The following SHOC2 variants were observed in gnomAD, a reference collection of about 807,000 sequenced individuals.
The protein encoded by SHOC2 is leucine-rich repeat protein SHOC-2.
Under a neutral mutation model 50.2 loss-of-function variants are expected in SHOC2, and 4 were observed. The observed-to-expected ratio is 0.08, with a 90% confidence interval of 0.04 to 0.18. The LOEUF is 0.18. SHOC2 is among the 10% of genes least tolerant of loss of function. The pLI is 1.00. For synonymous variants in SHOC2, 218 were observed against 244.5 expected, an observed-to-expected ratio of 0.89 and a Z score of 1.01; for missense variants, 388 against 669.6, an observed-to-expected ratio of 0.58 and a Z score of 4.64.
At chr10:110,995,736 C>G (rs1172412207) in intron 3 of SHOC2, among the ~76,000 whole-genome samples, 2 of 152,136 alleles carry the variant, frequency 1.3e-5, no homozygotes, top group Non-Finnish European at 2.9e-5. Flanking sequence ...AAACTTAAAA[C>G]CACCATACTC....
At chr10:110,933,538 A>G (rs1172818813) in intron 1 of SHOC2, among the ~76,000 whole-genome samples, 1 of 152,246 alleles carries the variant, frequency 6.6e-6, no homozygotes, top group Non-Finnish European at 1.5e-5. Flanking sequence ...CCAGGCAGGT[A>G]ACATAAATGA....
chr10:110,931,814 T>G (rs1438493242), intron 1 of SHOC2, among the ~76,000 whole-genome samples: 9 of 152,174 alleles, frequency 5.9e-5, no homozygotes. Flanking sequence ...TTATTGTTCT[T>G]TCAATAAATA....
At chr10:110,925,455 G>T (rs534036164) in intron 1 of SHOC2, among the ~76,000 whole-genome samples, 8 of 151,506 alleles carry the variant, frequency 5.3e-5, no homozygotes, top group African/African-American at 1.7e-4. Context: ...TTTTTGTTTT[G>T]GTTTTGTTTT....
intron 3 of SHOC2, among the ~76,000 whole-genome samples, chr10:110,999,043 A>G (rs1261297923): frequency 6.6e-6 from 1 of 152,244 alleles, no homozygotes; most frequent in Non-Finnish European, 1.5e-5. Context: ...AAGGAGAGAA[A>G]TGGACATCAA....
chr10:110,970,992 T>C (rs1363018388), intron 2 of SHOC2, among the ~76,000 whole-genome samples: 1 of 152,118 alleles, frequency 6.6e-6, no homozygotes, highest in East Asian at 1.9e-4. Flanking sequence ...ATATTTTCTT[T>C]CATTCTGCAG....
chr10:110,973,038 A>G (rs940146498), intron 2 of SHOC2, among the ~76,000 whole-genome samples: 2 of 152,196 alleles, frequency 1.3e-5, no homozygotes, highest in Non-Finnish European at 2.9e-5. Flanking sequence ...AAACTTGCTT[A>G]GAAGAGCCCC....
chr10:110,965,048 A>G lies in SHOC2; in HGVS notation c.690A>G (p.Leu230=). 1 of 1,613,358 alleles carries G rather than the reference A, an allele frequency of 6.2e-7. No individual in the cohort carries two copies. Among genetic ancestry groups the G allele is most frequent in the Non-Finnish European group, 8.5e-7 (1 of 1,179,484 alleles). ...LSIRENKIKQ[L]PAEIGELCNL... Reference sequence around the variant, plus strand: ...TTCGAGAGAACAAAATTAAACAACTACCTGCTGAAATTGGTAAGAGGCCTT... The same window carrying G: ...TTCGAGAGAACAAAATTAAACAACTGCCTGCTGAAATTGGTAAGAGGCCTT... The change falls in exon 2 of 9, where the codon CTA becomes CTG. Residue 230 remains leucine (L), a synonymous_variant. Transcript: ENST00000369452.
At chr10:110,963,801 C>T (rs1478689146) in intron 1 of SHOC2, among the ~76,000 whole-genome samples, 6 of 152,098 alleles carry the variant, frequency 3.9e-5, no homozygotes, top group Non-Finnish European at 7.4e-5. Flanking sequence ...ATGTGAATTC[C>T]TCAGAATAAT....
intron 2 of SHOC2, 94 bp from the exon 3 acceptor site, chr10:110,985,533 GT>G: frequency 2.1e-6 from 2 of 943,720 alleles, no homozygotes; most frequent in Non-Finnish European, 3.3e-6. Flanking sequence ...CGTTGTTTGT[GT>G]TCAGAAATTA....
At position 110,925,631 on chromosome 10, in the gene SHOC2, A is replaced by G. The variant is rs539968036; in HGVS notation, c.-235+5974A>G. On this transcript the variant is annotated intron_variant, in intron 1 of 8. Transcript: ENST00000369452. ...ACCACCATGCCTGGCTAATTTTTCT[A>G]TTTTTTGTAGAGACTAGCTTTTGCC... Among the ~76,000 whole-genome samples the G allele has an allele frequency of 3.3e-5, 5 of 152,014 alleles. No individual in the cohort carries two copies. The South Asian group carries it at 8.3e-4, about 25-fold the overall frequency.
intron 1 of SHOC2, among the ~76,000 whole-genome samples, chr10:110,942,220 A>C (rs1847161716): frequency 6.6e-6 from 1 of 152,144 alleles, no homozygotes; most frequent in Non-Finnish European, 1.5e-5. Flanking sequence ...AATTCCACTG[A>C]TTTCGTCAGG....
In SHOC2 at chr10:111,011,982, T is replaced by A. The variant is rs191293913; in HGVS notation, c.*164T>A. The A allele has an allele frequency of 5.4e-3, 3,445 of 641,144 alleles. 40 individuals carry two copies. The highest frequency in any genetic ancestry group is 0.024 in the South Asian group (1,233 of 51,178). 39.7% of individuals were successfully genotyped at this position (641,144 alleles called of 1,614,324 possible). A position where few individuals can be genotyped will look rare whatever the true frequency, so the allele number is the denominator to read the frequency against. ...AATCATAGCCATTTAGAATTTTTTT[T>A]AAATTCTGTACAAAAGGCTTATATA... On this transcript the variant is annotated 3_prime_UTR_variant, in exon 9 of 9. Transcript: ENST00000369452.
rs752035886 is a variant in SHOC2 at position 110,964,652 on chromosome 10, G to A, written c.294G>A (p.Arg98=). ...TGATTAAAGAGCTCAACAAATGCCG[G>A]GAAGAGAATTCAATGCGTTTGGACT... ...AEVIKELNKC[R]EENSMRLDLS... Residue 98 remains arginine (R), a synonymous_variant, in exon 2 of 9, where the codon CGG becomes CGA. Coordinates refer to ENST00000369452, the MANE Select transcript of SHOC2 (RefSeq NM_007373.4). This position sits in a 1 kb window ranked among gnomAD's most constrained non-coding sequence, Gnocchi z 4.9. 1.2e-6 allele frequency: 2 copies of A among 1,614,066 alleles called. No individual in the cohort carries two copies. The highest frequency in any genetic ancestry group is 1.6e-4 in the Middle Eastern group (1 of 6,062).
chr10:110,949,269 A>G (rs955637100), intron 1 of SHOC2, among the ~76,000 whole-genome samples: 13 of 152,184 alleles, frequency 8.5e-5, no homozygotes, highest in Non-Finnish European at 1.8e-4. Context: ...ATTACAGCTG[A>G]TACAACAGAA....
At chr10:110,995,576 T>G (rs1341364135) in intron 3 of SHOC2, among the ~76,000 whole-genome samples, 1 of 152,150 alleles carries the variant, frequency 6.6e-6, no homozygotes, top group Non-Finnish European at 1.5e-5. Flanking sequence ...GCCAACCAAG[T>G]TGGATTCACC....
intron 1 of SHOC2, among the ~76,000 whole-genome samples, chr10:110,941,811 AT>A (rs946713264): frequency 6.6e-6 from 1 of 151,340 alleles, no homozygotes; most frequent in Non-Finnish European, 1.5e-5. Flanking sequence ...ATGAAAAAAA[AT>A]TTTTTTTTGC....
chr10:110,979,916 G>A (rs1337736150), intron 2 of SHOC2, among the ~76,000 whole-genome samples: 1 of 152,122 alleles, frequency 6.6e-6, no homozygotes. Flanking sequence ...TCAAGGTGTA[G>A]CCTACTCACT....
At chr10:110,955,390 T>C (rs1809633319) in intron 1 of SHOC2, among the ~76,000 whole-genome samples, 1 of 152,234 alleles carries the variant, frequency 6.6e-6, no homozygotes, top group African/African-American at 2.4e-5. Flanking sequence ...CTTAACTGAA[T>C]GTTGTCTTTT....
intron 2 of SHOC2, among the ~76,000 whole-genome samples, chr10:110,983,818 A>G (rs1184881029): frequency 6.6e-6 from 1 of 152,178 alleles, no homozygotes; most frequent in African/African-American, 2.4e-5. Context: ...AATGTTTTCC[A>G]GGTTTATCCA....
Sources: gnomAD v4.1 joint callset for allele counts (sites outside exome capture counted in the v4.1 genomes callset) on GRCh38, gnomAD v4.1.1 for gene constraint, Gnocchi (gnomAD v3.1) non-coding constraint, MANE v1.5 for transcripts, NCBI Gene and HGNC (gene_info 2026-07-23, HGNC 2026-07-21) for gene names.